PREX1: variants seen among roughly 807,000 people sequenced by gnomAD.
PREX1 encodes the protein phosphatidylinositol-3,4,5-trisphosphate dependent Rac exchange factor 1.
Under a neutral mutation model 198.3 loss-of-function variants are expected in PREX1, and 41 were observed. The observed-to-expected ratio is 0.21, with a 90% CI of 0.16 to 0.27. The LOEUF (loss-of-function observed/expected upper bound fraction) is 0.27, where lower values mean the gene tolerates loss of function less well. Ranked by LOEUF, PREX1 falls within the 10% of genes least tolerant of loss-of-function variation. PREX1 has a pLI of 1.00. For missense variants in PREX1, 1,620 were observed against 2,200.7 expected, an observed-to-expected ratio of 0.74 and a Z score of 5.28; for synonymous variants, 843 against 887.2, an observed-to-expected ratio of 0.95 and a Z score of 0.89.
At chr20:48,853,754 A>C in the PREX1 span, among the ~76,000 whole-genome samples, 12 of 152,214 alleles carry the variant, frequency 7.9e-5, no homozygotes, top group African/African-American at 2.9e-4. Context: ...TGCTGAGCTT[A>C]AACTCTGCAA....
At position 48,808,834 on chromosome 20, in the gene PREX1, T is replaced by C. The variant is rs571928445; in HGVS notation, c.219+18808A>G. Among the ~76,000 whole-genome samples the C allele has an allele frequency of 8.5e-4, 130 of 152,328 alleles. 4 individuals are homozygous for C. The highest frequency in any genetic ancestry group is 2.9e-5 in the Non-Finnish European group (2 of 68,016). On this transcript the variant is annotated intron_variant, in intron 1 of 39. Coordinates refer to ENST00000371941, the MANE Select transcript of PREX1 (RefSeq NM_020820.4). ...GCTCCTGCCTCAGGGCCTTTGCACTTGCTGTTTCCCATGCTTGGAATGCTC... is the reference window on the plus strand; with the variant it reads ...GCTCCTGCCTCAGGGCCTTTGCACTCGCTGTTTCCCATGCTTGGAATGCTC...
chr20:48,792,168 C>A (rs554878222), intron 1 of PREX1, among the ~76,000 whole-genome samples: 1 of 152,304 alleles, frequency 6.6e-6, no homozygotes, highest in African/African-American at 2.4e-5. Context: ...GGGCTTGAGG[C>A]ATTGTTTTAT....
chr20:48,676,125 A>C, intron 14 of PREX1, 68 bp downstream of exon 14: 1 of 1,488,048 alleles, frequency 6.7e-7, no homozygotes. Flanking sequence ...ATCTTTAAAC[A>C]AAACAGAAAG....
chr20:48,664,703 C>T (rs1415792896), intron 15 of PREX1, among the ~76,000 whole-genome samples: 1 of 152,278 alleles, frequency 6.6e-6, no homozygotes, highest in Non-Finnish European at 1.5e-5. Context: ...TGTGCAGCCT[C>T]TAAACCCGCA....
chr20:48,651,131 C>A, intron 22 of PREX1, 76 bp from the exon 23 acceptor site: 2 of 1,532,280 alleles, frequency 1.3e-6, no homozygotes, highest in South Asian at 1.2e-5. Flanking sequence ...ACAGTGACTC[C>A]TGTACTACTC....
chr20:48,734,280 C>G (rs151020015), intron 4 of PREX1, among the ~76,000 whole-genome samples: 1 of 151,996 alleles, frequency 6.6e-6, no homozygotes, highest in African/African-American at 2.4e-5. Context: ...CACACCCACT[C>G]CTCTACACAT....
At chr20:48,759,323 G>T (rs6125453) in intron 1 of PREX1, among the ~76,000 whole-genome samples, 40,585 of 151,854 alleles carry the variant, frequency 0.27, 6,514 homozygotes, top group Admixed American at 0.34. Flanking sequence ...GCTGAGATGG[G>T]TGGATCACCT....
chr20:48,648,807 C>A (rs73142113), intron 25 of PREX1, among the ~76,000 whole-genome samples: 23,924 of 152,178 alleles, frequency 0.16, 2,217 homozygotes, highest in Middle Eastern at 0.3. Flanking sequence ...TGCCCCACAT[C>A]CTAGAGCTGA....
At chr20:48,724,007 T>C (rs2089998761) in intron 5 of PREX1, among the ~76,000 whole-genome samples, 1 of 152,122 alleles carries the variant, frequency 6.6e-6, no homozygotes, top group African/African-American at 2.4e-5. Flanking sequence ...TGTTCAAGGT[T>C]TTGAAACGCA....
chr20:48,797,600 C>T (rs1411921093), intron 1 of PREX1, among the ~76,000 whole-genome samples: 1 of 152,136 alleles, frequency 6.6e-6, no homozygotes, highest in African/African-American at 2.4e-5. Context: ...CCCGCTCTTT[C>T]TCAATGATCT....
chr20:48,718,358 T>C (rs2089971452), intron 5 of PREX1, among the ~76,000 whole-genome samples: 1 of 152,104 alleles, frequency 6.6e-6, no homozygotes, highest in African/African-American at 2.4e-5. Context: ...GTAGTGGTGA[T>C]GATAGCTATA....
intron 6 of PREX1, among the ~76,000 whole-genome samples, chr20:48,702,719 C>CT (rs1221609235): frequency 1.3e-5 from 2 of 152,248 alleles, no homozygotes; most frequent in African/African-American, 4.8e-5. Context: ...CCACCCCAGT[C>CT]TGACTGTCCG....
chr20:48,840,646 C>T, the PREX1 span, among the ~76,000 whole-genome samples: 1 of 152,168 alleles, frequency 6.6e-6, no homozygotes, highest in Non-Finnish European at 1.5e-5. Context: ...GGTGGGCAGG[C>T]TCAATGGGGC....
intron 1 of PREX1, among the ~76,000 whole-genome samples, chr20:48,796,124 T>C (rs1191788940): frequency 6.6e-6 from 1 of 152,184 alleles, no homozygotes; most frequent in African/African-American, 2.4e-5. Flanking sequence ...GTATTTGTCA[T>C]GTTATGAAAC....
the PREX1 span, among the ~76,000 whole-genome samples, chr20:48,843,686 G>A: frequency 1.3e-5 from 2 of 152,210 alleles, no homozygotes; most frequent in African/African-American, 4.8e-5. Flanking sequence ...TCTTCTCCAG[G>A]CTGAGGGATC....
At chr20:48,836,502 T>C in the PREX1 span, among the ~76,000 whole-genome samples, 1 of 152,130 alleles carries the variant, frequency 6.6e-6, no homozygotes, top group Non-Finnish European at 1.5e-5. Flanking sequence ...TGTGATCTCA[T>C]TTTCCCTCGT....
At chr20:48,715,448 G>GGAGAGCTCT (rs1453530295) in intron 5 of PREX1, among the ~76,000 whole-genome samples, 3 of 152,144 alleles carry the variant, frequency 2.0e-5, no homozygotes, top group Non-Finnish European at 4.4e-5. Context: ...TGATGAAACT[G>GGAGAGCTCT]GAGAGCTCTG....
chr20:48,748,239 TC>T (rs1271721038), intron 1 of PREX1, among the ~76,000 whole-genome samples: 1 of 151,940 alleles, frequency 6.6e-6, no homozygotes, highest in Non-Finnish European at 1.5e-5. Context: ...CTAATTCATT[TC>T]CCCTTTCAAT....
At chr20:48,850,047 C>A in the PREX1 span, among the ~76,000 whole-genome samples, 1 of 152,152 alleles carries the variant, frequency 6.6e-6, no homozygotes, top group Non-Finnish European at 1.5e-5. Flanking sequence ...ATAATAGTAA[C>A]CTCCAAGGGT....
Sources: gnomAD v4.1 joint callset for allele counts (sites outside exome capture counted in the v4.1 genomes callset) on GRCh38, gnomAD v4.1.1 for gene constraint, MANE v1.5 for transcripts, NCBI Gene and HGNC (gene_info 2026-07-23, HGNC 2026-07-21) for gene names.